Variants in UTRN observed in about 807,000 individuals in gnomAD.
The protein encoded by UTRN is dystrophin-related protein 1.
In UTRN, 283 loss-of-function variants were observed where a neutral mutation model predicts 463.9. The observed-to-expected ratio is 0.61, with a 90% CI of 0.55 to 0.67. The LOEUF (loss-of-function observed/expected upper bound fraction) is 0.67, where lower values mean the gene tolerates loss of function less well. Ranked by LOEUF, UTRN falls within the 30% of genes least tolerant of loss-of-function variation. UTRN has a pLI of 0.00. For missense variants in UTRN, 3,922 were observed against 4,084.3 expected, an observed-to-expected ratio of 0.96 and a Z score of 1.08; for synonymous variants, 1,442 against 1,431.5, an observed-to-expected ratio of 1.01 and a Z score of -0.17.
At chr6:144,539,263 T>C in intron 44 of UTRN, 31 bp from the exon 45 acceptor site, 2 of 1,559,182 alleles carry the variant, frequency 1.3e-6, no homozygotes, top group Non-Finnish European at 1.7e-6. Context: ...CTGACTACCT[T>C]CTAACCACAC....
At chr6:144,528,630 A>G (rs1195868103) in intron 41 of UTRN, among the ~76,000 whole-genome samples, 1 of 152,206 alleles carries the variant, frequency 6.6e-6, no homozygotes, top group East Asian at 1.9e-4. Flanking sequence ...GTCTGCAAAG[A>G]GTCCTGTGAT....
chr6:144,823,665 A>ATAAC (rs1296858913), intron 66 of UTRN, among the ~76,000 whole-genome samples: 3 of 152,190 alleles, frequency 2.0e-5, no homozygotes, highest in Non-Finnish European at 1.5e-5. Flanking sequence ...GATTAATTTT[A>ATAAC]TAACTATGCA....
At chr6:144,407,476 A>G (rs950016020) in intron 3 of UTRN, among the ~76,000 whole-genome samples, 7 of 152,322 alleles carry the variant, frequency 4.6e-5, no homozygotes, top group African/African-American at 1.7e-4. Flanking sequence ...CAGCTATCCA[A>G]ACTTTCCCTA....
At chr6:144,665,909 A>G (rs1284193149) in intron 51 of UTRN, among the ~76,000 whole-genome samples, 1 of 152,218 alleles carries the variant, frequency 6.6e-6, no homozygotes, top group Non-Finnish European at 1.5e-5. Flanking sequence ...TGTTAGTTCA[A>G]CTGCTTGAAT....
At chr6:144,640,979 T>C (rs1025409315) in intron 51 of UTRN, among the ~76,000 whole-genome samples, 1 of 152,150 alleles carries the variant, frequency 6.6e-6, no homozygotes, top group Non-Finnish European at 1.5e-5. Context: ...AGATCAGTTA[T>C]TAGTAGTACA....
Position 144,823,744 on chromosome 6 carries a change from C to A in UTRN, c.9494+2726C>A, listed in dbSNP as rs561025294. 3.3e-5 allele frequency among the ~76,000 whole-genome samples: 5 copies of A among 152,104 alleles called. No individual in the cohort carries two copies. In the East Asian group the frequency reaches 9.6e-4, roughly 29 times the overall value. ...AAAGAATACTCCATTGAAAATAAAT[C>A]TGAGGAACAAGCTAAAATAGTAGCA... On this transcript the variant is annotated intron_variant, in intron 66 of 74. Transcript: ENST00000367545.
At position 144,487,625 on chromosome 6, in the gene UTRN, G is replaced by A. The variant is rs934159525; in HGVS notation, c.3900G>A (p.Gly1300=). ...IRELGQTLID[G]GILDDIISEK... ...AGCTTGGCCAGACTCTGATTGATGG[G>A]GGGATCCTGGATGATATAATCAGTG... is the stretch of plus-strand genomic sequence containing the variant. Residue 1300 remains glycine, a synonymous_variant, in exon 29 of 75, where the codon GGG becomes GGA. Transcript: ENST00000367545. 17 of 1,613,698 alleles carry A rather than the reference G, an allele frequency of 1.1e-5. No homozygotes were observed. In the Middle Eastern group the frequency reaches 4.9e-4, roughly 47 times the overall value.
chr6:144,642,317 G>A (rs1406910228), intron 51 of UTRN, among the ~76,000 whole-genome samples: 1 of 152,138 alleles, frequency 6.6e-6, no homozygotes, highest in Non-Finnish European at 1.5e-5. Flanking sequence ...GTCATGTTTA[G>A]ATCTTATTTC....
chr6:144,537,558 T>G, intron 43 of UTRN, 24 bp from the exon 44 acceptor site: 1 of 1,474,922 alleles, frequency 6.8e-7, no homozygotes, highest in South Asian at 1.5e-5. Flanking sequence ...TTCCTCAATA[T>G]TTTTAAATAA....
intron 3 of UTRN, among the ~76,000 whole-genome samples, chr6:144,403,412 A>G (rs1302374337): frequency 1.3e-5 from 2 of 152,182 alleles, no homozygotes; most frequent in Non-Finnish European, 2.9e-5. Flanking sequence ...CCTTCTCCAG[A>G]TATCTAAGGC....
chr6:144,712,309 C>T (rs2128704266), intron 53 of UTRN, among the ~76,000 whole-genome samples: 1 of 152,260 alleles, frequency 6.6e-6, no homozygotes, highest in South Asian at 2.1e-4. Flanking sequence ...CTGGACTTGT[C>T]TCCTAATCAT....
At chr6:144,694,627 A>G (rs1783789173) in intron 52 of UTRN, among the ~76,000 whole-genome samples, 1 of 152,026 alleles carries the variant, frequency 6.6e-6, no homozygotes, top group Non-Finnish European at 1.5e-5. Context: ...GGGAGAATGT[A>G]TGTGTCCAGG....
chr6:144,436,981 C>A (rs1786625940), intron 10 of UTRN, among the ~76,000 whole-genome samples: 3 of 144,622 alleles, frequency 2.1e-5, no homozygotes, highest in African/African-American at 5.1e-5. Flanking sequence ...TTAACAGAGT[C>A]TTACTCTGTC....
At chr6:144,806,564 TG>T (rs1778167871) in intron 65 of UTRN, among the ~76,000 whole-genome samples, 4 of 145,906 alleles carry the variant, frequency 2.7e-5, no homozygotes, top group East Asian at 2.1e-4. Context: ...TTGCTATTAT[TG>T]TAGCATTAAT....
intron 61 of UTRN, among the ~76,000 whole-genome samples, chr6:144,787,279 A>C (rs1051416507): frequency 1.3e-5 from 2 of 152,202 alleles, no homozygotes; most frequent in African/African-American, 4.8e-5. Flanking sequence ...AAAAATATAA[A>C]GTAGAAACAC....
intron 52 of UTRN, among the ~76,000 whole-genome samples, chr6:144,681,777 T>C (rs1311600306): frequency 6.6e-6 from 1 of 152,222 alleles, no homozygotes; most frequent in Non-Finnish European, 1.5e-5. Context: ...TCTGTATCTA[T>C]ATTAACCTGT....
chr6:144,516,669 CAT>C (rs1298190423), intron 38 of UTRN, 140 bp from the exon 39 acceptor site: 3 of 676,054 alleles, frequency 4.4e-6, no homozygotes, highest in Middle Eastern at 4.7e-4. Flanking sequence ...TTAAAAAAAA[CAT>C]AAATTTTTTG....
intron 2 of UTRN, chr6:144,344,398 A>G (rs560559375): frequency 6.3e-6 from 8 of 1,277,492 alleles, no homozygotes; most frequent in Middle Eastern, 4.3e-4. Flanking sequence ...TTGTTAAGTA[A>G]CAAAGCTTAG....
intron 65 of UTRN, among the ~76,000 whole-genome samples, chr6:144,806,874 T>A (rs1260735051): frequency 5.9e-5 from 6 of 102,128 alleles, no homozygotes; most frequent in African/African-American, 1.0e-4. Flanking sequence ...AATGCAAGTA[T>A]TCAGAAATCA....
Sources: gnomAD v4.1 joint callset for allele counts (sites outside exome capture counted in the v4.1 genomes callset) on GRCh38, gnomAD v4.1.1 for gene constraint, MANE v1.5 for transcripts, NCBI Gene and HGNC (gene_info 2026-07-23, HGNC 2026-07-21) for gene names.